Variants in HCN1 observed in about 807,000 individuals in gnomAD.
The protein encoded by HCN1 is potassium/sodium hyperpolarization-activated cyclic nucleotide-gated channel 1.
In HCN1, 13 loss-of-function variants were observed where a neutral mutation model predicts 78.9. The ratio of observed to expected loss-of-function variants is 0.16; its 90% CI spans 0.11 to 0.26. HCN1 has a LOEUF of 0.26. HCN1 is among the 10% of genes least tolerant of loss of function. The pLI is 1.00. For synonymous variants in HCN1, 552 were observed against 455.5 expected (o/e 1.21, Z -2.70); for missense variants, 810 against 1,154.3 (o/e 0.70, Z 4.32).
intron 1 of HCN1, among the ~76,000 whole-genome samples, chr5:45,684,634 G>A (rs992990882): frequency 3.3e-5 from 5 of 152,206 alleles, no homozygotes; most frequent in Admixed American, 3.3e-4. Flanking sequence ...GCCAAGGTGG[G>A]TGGATTGCTT....
At chr5:45,394,822 AG>A (rs1220993974) in intron 4 of HCN1, among the ~76,000 whole-genome samples, 1 of 152,094 alleles carries the variant, frequency 6.6e-6, no homozygotes, top group Non-Finnish European at 1.5e-5. Context: ...AAAAAAAAAA[AG>A]TTATATTCTT....
intron 3 of HCN1, among the ~76,000 whole-genome samples, chr5:45,417,341 T>C (rs1740137769): frequency 6.6e-6 from 1 of 151,942 alleles, no homozygotes; most frequent in African/African-American, 2.4e-5. Flanking sequence ...CTAGCAATTA[T>C]TGCAGAAGCC....
chr5:45,586,093 C>CT (rs1175424879), intron 2 of HCN1, among the ~76,000 whole-genome samples: 6 of 152,082 alleles, frequency 3.9e-5, no homozygotes, highest in Non-Finnish European at 8.8e-5. Context: ...TTTCTGCTGC[C>CT]TTTTTTTGGC....
intron 4 of HCN1, among the ~76,000 whole-genome samples, chr5:45,392,535 A>G (rs1172497649): frequency 1.3e-5 from 2 of 152,084 alleles, no homozygotes; most frequent in East Asian, 1.9e-4. Context: ...CCAAAAGGCC[A>G]CTAATAGTTA....
chr5:45,631,761 T>A (rs1435036689), intron 2 of HCN1, among the ~76,000 whole-genome samples: 1 of 152,178 alleles, frequency 6.6e-6, no homozygotes, highest in East Asian at 1.9e-4. Flanking sequence ...ATGAGGAAAC[T>A]ATTTTGATTG....
chr5:45,534,845 A>G (rs1742935665), intron 2 of HCN1, among the ~76,000 whole-genome samples: 1 of 152,198 alleles, frequency 6.6e-6, no homozygotes, highest in Non-Finnish European at 1.5e-5. Context: ...GCAGAGGGAG[A>G]AAAAAGGTAT....
intron 2 of HCN1, among the ~76,000 whole-genome samples, chr5:45,520,715 G>C (rs1166291491): frequency 6.6e-6 from 1 of 151,816 alleles, no homozygotes; most frequent in Non-Finnish European, 1.5e-5. Context: ...GCATTCATTT[G>C]GTAAGTATAT....
chr5:45,614,325 T>G (rs575428910), intron 2 of HCN1, among the ~76,000 whole-genome samples: 18 of 152,128 alleles, frequency 1.2e-4, no homozygotes, highest in Non-Finnish European at 2.1e-4. Flanking sequence ...TAGGAAAACA[T>G]AAATCCGTCA....
rs1483504430 is a variant in HCN1 at position 45,675,422 on chromosome 5, C to T, written c.425+20247G>A. Among the ~76,000 whole-genome samples, 4 of 151,734 alleles carry T rather than the reference C, an allele frequency of 2.6e-5. No individual in the cohort carries two copies. In the Admixed American group the frequency reaches 2.6e-4, roughly 10 times the overall value. On this transcript the variant is annotated intron_variant, in intron 1 of 7. Coordinates refer to ENST00000303230, the MANE Select transcript of HCN1 (RefSeq NM_021072.4). ...TAGCCCCACTGAGTCACTAGTGATC[C>T]TTGATTCAAACACATCCAAAAGCCA...
chr5:45,351,220 C>T (rs1283183738), intron 5 of HCN1, among the ~76,000 whole-genome samples: 14 of 151,704 alleles, frequency 9.2e-5, no homozygotes, highest in East Asian at 3.9e-4. Context: ...GAAATAATGC[C>T]GCATATCTAC....
In HCN1 at chr5:45,282,259, G is replaced by T. The variant is rs1468228605; in HGVS notation, c.1619-15006C>A. Reference sequence around the variant, plus strand: ...TTTGTGCTCCATGTGTAAAAGAAATGGGCTTTAAAAATTGTTTTCCCAATA... The same window carrying T: ...TTTGTGCTCCATGTGTAAAAGAAATTGGCTTTAAAAATTGTTTTCCCAATA... On this transcript the variant is annotated intron_variant, in intron 6 of 7. Coordinates refer to ENST00000303230, the MANE Select transcript of HCN1 (RefSeq NM_021072.4). Among the ~76,000 whole-genome samples, 7 of 152,070 alleles carry T rather than the reference G, an allele frequency of 4.6e-5. No homozygotes were observed. In the East Asian group the frequency reaches 1.4e-3, roughly 29 times the overall value.
At chr5:45,322,460 T>A (rs990141583) in intron 5 of HCN1, among the ~76,000 whole-genome samples, 1 of 151,886 alleles carries the variant, frequency 6.6e-6, no homozygotes, top group African/African-American at 2.4e-5. Flanking sequence ...GAATGTCTTA[T>A]GTGAAATGCT....
chr5:45,463,947 C>CA (rs2111632306), intron 2 of HCN1, among the ~76,000 whole-genome samples: 1 of 152,132 alleles, frequency 6.6e-6, no homozygotes, highest in Non-Finnish European at 1.5e-5. Context: ...CAACTAATAA[C>CA]TATCTGAAAA....
At chr5:45,372,961 T>C (rs982826799) in intron 4 of HCN1, among the ~76,000 whole-genome samples, 1 of 136,594 alleles carries the variant, frequency 7.3e-6, no homozygotes, top group African/African-American at 2.6e-5. Context: ...ATTTTATACA[T>C]AAAAGATATA....
intron 3 of HCN1, among the ~76,000 whole-genome samples, chr5:45,458,381 A>T (rs1008566934): frequency 1.3e-5 from 2 of 152,158 alleles, no homozygotes; most frequent in Admixed American, 6.6e-5. Flanking sequence ...ATCAGAGCCT[A>T]AGGTCATAGC....
intron 2 of HCN1, among the ~76,000 whole-genome samples, chr5:45,543,754 A>G (rs1403475333): frequency 2.6e-5 from 4 of 152,118 alleles, no homozygotes; most frequent in Non-Finnish European, 5.9e-5. Flanking sequence ...ATCTAAACAC[A>G]GGAACATGTA....
intron 4 of HCN1, among the ~76,000 whole-genome samples, chr5:45,375,781 AATATAATATTTTATGAT>A (rs1337146073): frequency 0.024 from 2,495 of 104,428 alleles, 229 homozygotes; most frequent in African/African-American, 0.064. Flanking sequence ...TCTTATATAT[AATATAATATTTTATGAT>A]ATATCTTATA....
Position 45,656,555 on chromosome 5 carries a change from T to C in HCN1, c.426-10947A>G, listed in dbSNP as rs2589163. Reference sequence around the variant, plus strand: ...ACAAGGTGGAGATAAACGGATTAAATTGCATAAAAGTTAAAAGGTCTAGTG... The same window carrying C: ...ACAAGGTGGAGATAAACGGATTAAACTGCATAAAAGTTAAAAGGTCTAGTG... On this transcript the variant is annotated intron_variant, in intron 1 of 7. Transcript: ENST00000303230. Among the ~76,000 whole-genome samples the C allele has an allele frequency of 7.4e-3, 1,120 of 152,282 alleles. 11 individuals carry two copies. Among genetic ancestry groups the C allele is most frequent in the African/African-American group, 0.026 (1,071 of 41,558 alleles).
At chr5:45,381,646 A>T (rs756521598) in intron 4 of HCN1, among the ~76,000 whole-genome samples, 15 of 151,960 alleles carry the variant, frequency 9.9e-5, no homozygotes, top group Non-Finnish European at 2.2e-4. Flanking sequence ...TAATCCTCTC[A>T]CATCTATTCC....
Sources: allele counts gnomAD v4.1 joint callset (sites outside exome capture counted in the v4.1 genomes callset), GRCh38; gene constraint gnomAD v4.1.1; transcripts MANE v1.5; gene names NCBI Gene and HGNC (gene_info 2026-07-23, HGNC 2026-07-21).